The following ABCD2 variants were observed in gnomAD, a reference collection of about 807,000 sequenced individuals.
The protein encoded by ABCD2 is ATP binding cassette subfamily D member 2, also known as ATP-binding cassette sub-family D member 2.
Under a neutral mutation model 70.9 loss-of-function variants are expected in ABCD2, and 36 were observed. The ratio of observed to expected loss-of-function variants is 0.51; its 90% CI spans 0.39 to 0.67. ABCD2 has a LOEUF of 0.67. Among genes scored for constraint, ABCD2 ranks in the 30% least tolerant of loss-of-function variants. The pLI, the probability that ABCD2 is intolerant of heterozygous loss-of-function variation, is 0.00. For synonymous variants in ABCD2, 304 were observed against 306.9 expected, an observed-to-expected ratio of 0.99 and a Z score of 0.10; for missense variants, 729 against 890.2, an observed-to-expected ratio of 0.82 and a Z score of 2.30.
At chr12:39,579,698 C>A in intron 7 of ABCD2, 79 bp from the exon 8 acceptor site, 1 of 1,109,824 alleles carries the variant, frequency 9.0e-7, no homozygotes, top group Non-Finnish European at 1.3e-6. Flanking sequence ...CAAGTGATTC[C>A]TGACAAATTC....
rs74088769 is a variant in ABCD2, at chr12:39,616,623, T to C, written c.1120+365A>G. Among the ~76,000 whole-genome samples, 457 of 152,312 alleles carry C rather than the reference T, an allele frequency of 3.0e-3. 2 individuals are homozygous for C. Among genetic ancestry groups the C allele is most frequent in the African/African-American group, 0.01 (432 of 41,564 alleles). ...ATGGGATGTATAGAACTAATGTTTA[T>C]AACACATGAGGAATGCTTGTGTTAT... On this transcript the variant is annotated intron_variant, in intron 2 of 9. Transcript: ENST00000308666.
intron 9 of ABCD2, among the ~76,000 whole-genome samples, chr12:39,570,633 G>A (rs193085563): frequency 7.9e-5 from 12 of 152,102 alleles, no homozygotes; most frequent in African/African-American, 2.9e-4. Context: ...AGAATACATA[G>A]GGCAAAAATT....
chr12:39,535,681 A>G, the ABCD2 span, among the ~76,000 whole-genome samples: 1 of 152,332 alleles, frequency 6.6e-6, no homozygotes, highest in East Asian at 1.9e-4. Flanking sequence ...AAGCAACTTG[A>G]TACTGTAATC....
rs764793532 is a variant in ABCD2, at chr12:39,579,550, C to T, written c.1862G>A (p.Arg621His). Residue 621 changes from arginine to histidine, a missense_variant, in exon 8 of 10, where the codon CGT becomes CAT. Arg to His is a conservative substitution (Grantham distance 29). This residue lies in a region of ABCD2 where 289 missense variants were observed against 328.8 expected (regional missense o/e 0.88). Coordinates refer to ENST00000308666, the MANE Select transcript of ABCD2 (RefSeq NM_005164.4). ...GTATACTTACTTATGATAAAACATA[C>T]GAGCCATGCCCATTCTTTGCTTTTC... ...GGEKQRMGMA[R>H]MFYHKPKYAL... The T allele has an allele frequency of 5.0e-6, 8 of 1,612,334 alleles. No individual in the cohort carries two copies. Among genetic ancestry groups the T allele is most frequent in the South Asian group, 2.2e-5 (2 of 90,942 alleles).
Position 39,619,248 on chromosome 12 carries a change from T to C in ABCD2, c.368A>G (p.Tyr123Cys), listed in dbSNP as rs201591906. 1 of 1,614,120 alleles carries C rather than the reference T, an allele frequency of 6.2e-7. No homozygotes were observed. Among genetic ancestry groups the C allele is most frequent in the African/African-American group, 1.3e-5 (1 of 75,024 alleles). ...ALISRTFLSI[Y>C]VAGLDGKIVK... Reference sequence around the variant, plus strand: ...GATTTTTCCATCCAGACCAGCCACATAGATAGAAAGAAAGGTTCTTGAGAT... The same window carrying C: ...GATTTTTCCATCCAGACCAGCCACACAGATAGAAAGAAAGGTTCTTGAGAT... Residue 123 changes from tyrosine to cysteine, a missense_variant, in exon 1 of 10, where the codon TAT becomes TGT. Physicochemically the swap from Tyr to Cys is radical, Grantham distance 194. Coordinates refer to ENST00000308666, the MANE Select transcript of ABCD2 (RefSeq NM_005164.4).
intron 3 of ABCD2, among the ~76,000 whole-genome samples, chr12:39,605,170 C>T (rs982439925): frequency 2.0e-5 from 3 of 151,894 alleles, no homozygotes; most frequent in African/African-American, 4.8e-5. Context: ...ATTAATGACA[C>T]TTAAGGATCT....
chr12:39,548,905 G>C (rs1048067996), downstream of ABCD2, among the ~76,000 whole-genome samples: 2 of 151,876 alleles, frequency 1.3e-5, no homozygotes, highest in African/African-American at 4.8e-5. Flanking sequence ...CACAAGTACT[G>C]AGACAAATTA....
chr12:39,544,420 A>G, the ABCD2 span, among the ~76,000 whole-genome samples: 2 of 152,208 alleles, frequency 1.3e-5, no homozygotes, highest in African/African-American at 2.4e-5. Context: ...TCATCCTACA[A>G]AGACAATCTA....
At position 39,619,683 on chromosome 12, in the gene ABCD2, C is replaced by T; in HGVS notation, c.-68G>A. On this transcript the variant is annotated 5_prime_UTR_variant, in exon 1 of 10. Transcript: ENST00000308666. ...AAAGATCATGCTTCACAGAAATCCC[C>T]AGCAAATGTTTTAGAAAGTCCTACA... 7.1e-7 allele frequency: 1 copy of T among 1,406,210 alleles called. No individual in the cohort carries two copies. Among genetic ancestry groups the T allele is most frequent in the South Asian group, 1.3e-5 (1 of 76,820 alleles). The allele number at this position is 1,406,210 out of a possible 1,614,324, so 87.1% of individuals were successfully genotyped here.
At chr12:39,543,432 C>CA in the ABCD2 span, among the ~76,000 whole-genome samples, 1 of 151,900 alleles carries the variant, frequency 6.6e-6, no homozygotes, top group African/African-American at 2.4e-5. Flanking sequence ...TCTTTTTTTC[C>CA]AAGTCCCTTG....
chr12:39,575,707 T>A (rs1941507152), intron 8 of ABCD2, among the ~76,000 whole-genome samples: 1 of 152,238 alleles, frequency 6.6e-6, no homozygotes, highest in South Asian at 2.1e-4. Flanking sequence ...TTTCCTATTG[T>A]TAAACTTTCT....
At chr12:39,587,880 T>A (rs1941687333) in intron 6 of ABCD2, among the ~76,000 whole-genome samples, 1 of 152,202 alleles carries the variant, frequency 6.6e-6, no homozygotes, top group Non-Finnish European at 1.5e-5. Context: ...GATGAATTAA[T>A]CCATGTAATT....
In ABCD2 at chr12:39,618,657, C is replaced by T. The variant is rs780816169; in HGVS notation, c.939+20G>A. 6 of 1,592,406 alleles carry T rather than the reference C, an allele frequency of 3.8e-6. No homozygotes were observed. The highest frequency in any genetic ancestry group is 1.1e-5 in the South Asian group (1 of 87,718). On this transcript the variant is annotated intron_variant, in intron 1 of 9. Transcript: ENST00000308666. ...TTGAACAGTTTCACATTTCACCCAT[C>T]ACCTTAATTTCTATCTTACCTTATG... is the stretch of plus-strand genomic sequence containing the variant.
chr12:39,616,778 G>C (rs1398466983), intron 2 of ABCD2, among the ~76,000 whole-genome samples: 1 of 151,850 alleles, frequency 6.6e-6, no homozygotes, highest in Non-Finnish European at 1.5e-5. Context: ...CTCTGAAATA[G>C]CTCAGAACTG....
chr12:39,594,778 G>A (rs150998019), intron 6 of ABCD2, among the ~76,000 whole-genome samples: 15 of 151,868 alleles, frequency 9.9e-5, no homozygotes, highest in African/African-American at 2.7e-4. Flanking sequence ...GTTCGAGACC[G>A]GCCTGGCCAA....
chr12:39,576,648 C>T (rs1248083011), intron 8 of ABCD2, among the ~76,000 whole-genome samples: 1 of 152,070 alleles, frequency 6.6e-6, no homozygotes, highest in Non-Finnish European at 1.5e-5. Flanking sequence ...CTAAAAATCC[C>T]AGCTAAACAC....
At chr12:39,533,004 A>G in the ABCD2 span, among the ~76,000 whole-genome samples, 5 of 151,992 alleles carry the variant, frequency 3.3e-5, no homozygotes, top group Non-Finnish European at 5.9e-5. Context: ...CTGAAAAAAA[A>G]AAATACAAAA....
chr12:39,596,633 T>C (rs1351655516), intron 6 of ABCD2, among the ~76,000 whole-genome samples: 37 of 152,188 alleles, frequency 2.4e-4, no homozygotes, highest in Non-Finnish European at 1.5e-5. Context: ...TTGTACACCA[T>C]TGTGGGAAGC....
In ABCD2 at chr12:39,573,697, T is replaced by C; in HGVS notation, c.2003+19A>G. 1.9e-6 allele frequency: 3 copies of C among 1,586,078 alleles called. No homozygotes were observed. Among genetic ancestry groups the C allele is most frequent in the Non-Finnish European group, 2.6e-6 (3 of 1,168,250 alleles). ...TAAGGAAAAACCATCTACCACAAATTAGCACTAGAAACACTTACCAAAGAG... is the reference window on the plus strand; with the variant it reads ...TAAGGAAAAACCATCTACCACAAATCAGCACTAGAAACACTTACCAAAGAG... On this transcript the variant is annotated intron_variant, in intron 9 of 9. Coordinates refer to ENST00000308666, the MANE Select transcript of ABCD2 (RefSeq NM_005164.4).
Sources: allele counts gnomAD v4.1 joint callset (sites outside exome capture counted in the v4.1 genomes callset), GRCh38; gene constraint gnomAD v4.1.1; regional missense constraint gnomAD v4.1.1; transcripts MANE v1.5; gene names NCBI Gene and HGNC (gene_info 2026-07-23, HGNC 2026-07-21).